BTBD9: variants seen among roughly 807,000 people sequenced by gnomAD.
BTBD9 encodes the protein BTB/POZ domain-containing protein 9.
Under a neutral mutation model 64.3 loss-of-function variants are expected in BTBD9, and 49 were observed. That is an observed-to-expected ratio of 0.76 (90% confidence interval 0.61 to 0.97). The LOEUF (loss-of-function observed/expected upper bound fraction) is 0.97, where lower values mean the gene tolerates loss of function less well. BTBD9 is among the 50% of genes least tolerant of loss of function. BTBD9 has a pLI of 0.00. For synonymous variants in BTBD9, 260 were observed against 274.7 expected, an observed-to-expected ratio of 0.95 and a Z score of 0.53; for missense variants, 598 against 762.1, an observed-to-expected ratio of 0.78 and a Z score of 2.53.
intron 8 of BTBD9, among the ~76,000 whole-genome samples, chr6:38,265,620 T>C (rs1048488309): frequency 2.0e-5 from 3 of 151,792 alleles, no homozygotes; most frequent in African/African-American, 7.3e-5. Flanking sequence ...CGGGCTCAAG[T>C]GATCCTCCCA....
At chr6:38,217,594 G>A (rs1046704000) in intron 9 of BTBD9, among the ~76,000 whole-genome samples, 2 of 152,138 alleles carry the variant, frequency 1.3e-5, no homozygotes. Flanking sequence ...TTACTAGGGT[G>A]GGAGAGGGGC....
At position 38,389,139 on chromosome 6, in the gene BTBD9, A is replaced by T. The variant is rs147838437; in HGVS notation, c.1155-44046T>A. 3.8e-4 allele frequency among the ~76,000 whole-genome samples: 58 copies of T among 152,318 alleles called. No homozygotes were observed. In the East Asian group the frequency reaches 0.011, roughly 28 times the overall value. ...GAGGATTTAACAAAGAATCTTTTAA[A>T]CTTATTTTCACCACATTTTAAAGAC... is the stretch of plus-strand genomic sequence containing the variant. On this transcript the variant is annotated intron_variant, in intron 6 of 10. Transcript: ENST00000481247.
At chr6:38,563,923 A>G (rs1009878303) in intron 6 of BTBD9, among the ~76,000 whole-genome samples, 3 of 151,786 alleles carry the variant, frequency 2.0e-5, no homozygotes, top group Non-Finnish European at 2.9e-5. Context: ...CTGGGACTAC[A>G]GGCGCCCGCC....
intron 6 of BTBD9, among the ~76,000 whole-genome samples, chr6:38,412,310 A>G (rs1333617578): frequency 6.6e-6 from 1 of 152,186 alleles, no homozygotes; most frequent in Non-Finnish European, 1.5e-5. Context: ...CGGAGTTCAC[A>G]GAAAAGATCG....
intron 9 of BTBD9, among the ~76,000 whole-genome samples, chr6:38,244,886 A>G (rs1486933432): frequency 6.6e-6 from 1 of 152,256 alleles, no homozygotes; most frequent in African/African-American, 2.4e-5. Context: ...GTAGTTTACA[A>G]GGACTACATC....
At chr6:38,260,833 A>G (rs933756402) in intron 8 of BTBD9, among the ~76,000 whole-genome samples, 4 of 152,322 alleles carry the variant, frequency 2.6e-5, no homozygotes, top group Admixed American at 6.5e-5. Context: ...TCTACATCAT[A>G]TGTACTGACT....
chr6:38,470,200 G>A (rs1248551828), intron 6 of BTBD9, among the ~76,000 whole-genome samples: 1 of 152,152 alleles, frequency 6.6e-6, no homozygotes, highest in Non-Finnish European at 1.5e-5. Flanking sequence ...GTTGTTAAAC[G>A]GGCTTTGTTC....
intron 1 of BTBD9, among the ~76,000 whole-genome samples, chr6:38,638,207 T>C (rs1778594844): frequency 6.6e-6 from 1 of 152,226 alleles, no homozygotes; most frequent in South Asian, 2.1e-4. Flanking sequence ...ACCACATTTA[T>C]AGTCCTCAAA....
rs563572982 is a variant in BTBD9, at chr6:38,336,626, T to C, written c.1264+8358A>G. On this transcript the variant is annotated intron_variant, in intron 7 of 10. Transcript: ENST00000481247. Reference sequence around the variant, plus strand: ...GTCCCTCCCACAACATGTGGGATTATGGGAACTACAATTCAAGATGAGATT... The same window carrying C: ...GTCCCTCCCACAACATGTGGGATTACGGGAACTACAATTCAAGATGAGATT... Among the ~76,000 whole-genome samples the C allele has an allele frequency of 9.2e-5, 14 of 152,256 alleles. No individual in the cohort carries two copies. In the East Asian group the frequency reaches 2.1e-3, roughly 23 times the overall value.
At chr6:38,582,548 T>TTC (rs1776339444) in intron 4 of BTBD9, among the ~76,000 whole-genome samples, 1 of 152,218 alleles carries the variant, frequency 6.6e-6, no homozygotes, top group Non-Finnish European at 1.5e-5. Context: ...TTTAACAGAA[T>TTC]ATTCTGCTCC....
At chr6:38,228,351 C>CCCCA (rs566108714) in intron 9 of BTBD9, among the ~76,000 whole-genome samples, 852 of 28,446 alleles carry the variant, frequency 0.03, 36 homozygotes, top group Non-Finnish European at 0.044. Context: ...TCCCCCCCCC[C>CCCCA]AAAAAAAAAA....
chr6:38,635,308 A>G (rs1778493200), intron 1 of BTBD9, among the ~76,000 whole-genome samples: 2 of 151,760 alleles, frequency 1.3e-5, no homozygotes, highest in South Asian at 4.2e-4. Flanking sequence ...GCTAATTTTT[A>G]TATTTTTAGT....
intron 1 of BTBD9, among the ~76,000 whole-genome samples, chr6:38,605,963 C>T (rs1332431189): frequency 2.0e-5 from 3 of 152,212 alleles, no homozygotes; most frequent in Non-Finnish European, 2.9e-5. Flanking sequence ...TGAGTAGGCA[C>T]CATCTAATCA....
At chr6:38,477,185 G>A (rs1005660877) in intron 6 of BTBD9, among the ~76,000 whole-genome samples, 3 of 152,212 alleles carry the variant, frequency 2.0e-5, no homozygotes, top group Admixed American at 6.5e-5. Flanking sequence ...CTTAATCTGC[G>A]CTTTCTTTCT....
chr6:38,513,449 A>C (rs976862966), intron 6 of BTBD9, among the ~76,000 whole-genome samples: 1 of 148,668 alleles, frequency 6.7e-6, no homozygotes, highest in African/African-American at 2.4e-5. Flanking sequence ...CTCTGTCTCA[A>C]AAAAAAAAAA....
intron 6 of BTBD9, among the ~76,000 whole-genome samples, chr6:38,520,050 T>C (rs968478187): frequency 1.3e-5 from 2 of 152,100 alleles, no homozygotes; most frequent in Non-Finnish European, 2.9e-5. Context: ...AAACTATATG[T>C]ATAAAACTAT....
chr6:38,392,376 G>A (rs1430932532), intron 6 of BTBD9, among the ~76,000 whole-genome samples: 2 of 152,172 alleles, frequency 1.3e-5, no homozygotes, highest in Non-Finnish European at 2.9e-5. Context: ...GATGGCTTAG[G>A]GAACTGCCTC....
intron 6 of BTBD9, among the ~76,000 whole-genome samples, chr6:38,570,220 C>G (rs1354811845): frequency 6.6e-6 from 1 of 152,098 alleles, no homozygotes; most frequent in Non-Finnish European, 1.5e-5. Context: ...AGCAGGTCCT[C>G]CCCTACAGGA....
intron 6 of BTBD9, among the ~76,000 whole-genome samples, chr6:38,548,524 A>G (rs889995211): frequency 1.3e-5 from 2 of 152,184 alleles, no homozygotes; most frequent in Non-Finnish European, 2.9e-5. Flanking sequence ...ATGTGCCTAC[A>G]AAGTTCAAAA....
Sources: allele counts gnomAD v4.1 joint callset (sites outside exome capture counted in the v4.1 genomes callset), GRCh38; gene constraint gnomAD v4.1.1; transcripts MANE v1.5; gene names NCBI Gene and HGNC (gene_info 2026-07-23, HGNC 2026-07-21).